Variants in GUCY2F observed in about 807,000 individuals in gnomAD.
The protein encoded by GUCY2F is guanylate cyclase 2F, retinal.
GUCY2F carries 61 observed loss-of-function variants against 73.1 expected under a neutral mutation model. The observed-to-expected ratio is 0.83, with a 90% CI of 0.68 to 1.03. The LOEUF (loss-of-function observed/expected upper bound fraction) is 1.03, where lower values mean the gene tolerates loss of function less well. Among genes scored for constraint, GUCY2F ranks in the 50% least tolerant of loss-of-function variants. The probability of loss-of-function intolerance (pLI) is 0.00; values close to 1 mark genes in which losing one functional copy is unlikely to be tolerated. For missense variants in GUCY2F, 912 were observed against 854.3 expected (o/e 1.07, Z -0.84); for synonymous variants, 331 against 307.8 (o/e 1.08, Z -0.79).
intron 2 of GUCY2F, among the ~76,000 whole-genome samples, chrX:109,467,173 G>C (rs1248689091): frequency 1.8e-5 from 2 of 112,318 alleles, no homozygotes; most frequent in Non-Finnish European, 3.8e-5. Flanking sequence ...GAGTGCCAGA[G>C]ATGTTTGACA....
At chrX:109,379,137 T>C (rs1048314849) in intron 17 of GUCY2F, among the ~76,000 whole-genome samples, 2 of 112,210 alleles carry the variant, frequency 1.8e-5, no homozygotes, top group Non-Finnish European at 1.9e-5. Flanking sequence ...GAAAGGCAAA[T>C]ACTGCATGTT....
At chrX:109,389,796 A>C (rs1265088616) in intron 14 of GUCY2F, among the ~76,000 whole-genome samples, 1 of 111,743 alleles carries the variant, frequency 8.9e-6, no homozygotes, top group Non-Finnish European at 1.9e-5. Flanking sequence ...AAATAGGTAC[A>C]TCTTGAAACC....
intron 7 of GUCY2F, among the ~76,000 whole-genome samples, chrX:109,433,378 A>T (rs1478540615): frequency 1.8e-5 from 2 of 112,325 alleles, no homozygotes; most frequent in African/African-American, 3.2e-5. Flanking sequence ...TAAGAGATTA[A>T]GTGACTGTCC....
At chrX:109,426,859 T>C (rs1339485466) in intron 8 of GUCY2F, among the ~76,000 whole-genome samples, 1 of 112,311 alleles carries the variant, frequency 8.9e-6, no homozygotes, top group Non-Finnish European at 1.9e-5. Context: ...CCAATTGATG[T>C]CACCAGCATA....
intron 7 of GUCY2F, 51 bp downstream of exon 7, chrX:109,441,300 C>T: frequency 4.8e-6 from 4 of 838,299 alleles, no homozygotes; most frequent in Non-Finnish European, 6.5e-6. Flanking sequence ...ATCATTGCCT[C>T]ATTTTGAAAT....
At position 109,402,441 on chromosome X, in the gene GUCY2F, C is replaced by T. The variant is rs1930865946; in HGVS notation, c.2125+1887G>A. Among the ~76,000 whole-genome samples the T allele has an allele frequency of 4.7e-5, 5 of 107,365 alleles. No homozygotes were observed. In the Admixed American group the frequency reaches 4.9e-4, roughly 11 times the overall value. The allele number at this position is 107,365 out of a possible 115,157, so 93.2% of individuals were successfully genotyped here. A position where few individuals can be genotyped will look rare whatever the true frequency, so the allele number is the denominator to read the frequency against. ...AGGCTGGAGTGCAGTGGCGCAGTCT[C>T]GGCTCACTGCAACCTCCGCCTCCCA... is the stretch of plus-strand genomic sequence containing the variant. On this transcript the variant is annotated intron_variant, in intron 10 of 19. Coordinates refer to ENST00000218006, the MANE Select transcript of GUCY2F (RefSeq NM_001522.3).
At chrX:109,432,310 T>C (rs374915221) in intron 7 of GUCY2F, among the ~76,000 whole-genome samples, 16 of 112,172 alleles carry the variant, frequency 1.4e-4, no homozygotes, top group African/African-American at 4.9e-4. Context: ...AAATCTGCTC[T>C]CAGTCAGGGA....
intron 12 of GUCY2F, among the ~76,000 whole-genome samples, chrX:109,394,256 G>A (rs995061680): frequency 2.7e-5 from 3 of 112,060 alleles, no homozygotes; most frequent in Non-Finnish European, 3.8e-5. Flanking sequence ...TGGCTTCTCT[G>A]CTGCCTTCTG....
At chrX:109,467,226 C>T (rs1490349230) in intron 2 of GUCY2F, among the ~76,000 whole-genome samples, 1 of 112,006 alleles carries the variant, frequency 8.9e-6, no homozygotes. Flanking sequence ...AACTGAAGAC[C>T]TCTCACTCTC....
At chrX:109,391,367 T>C (rs1930556415) in intron 14 of GUCY2F, among the ~76,000 whole-genome samples, 1 of 111,302 alleles carries the variant, frequency 9.0e-6, no homozygotes, top group South Asian at 3.8e-4. Context: ...TCGGTTACCC[T>C]GTAGCAATCC....
At chrX:109,426,565 A>G (rs993593956) in intron 8 of GUCY2F, among the ~76,000 whole-genome samples, 4 of 110,936 alleles carry the variant, frequency 3.6e-5, no homozygotes, top group African/African-American at 1.3e-4. Context: ...ATTTTTTTGT[A>G]TTTTTAGTAG....
In GUCY2F at chrX:109,430,073, C is replaced by T. The variant is rs201258797; in HGVS notation, c.1791+234G>A. ...GACTTAGGGAGTTTAGATGACTTGC[C>T]CAAGTTATTACAGCTCTTACATGGT... On this transcript the variant is annotated intron_variant, in intron 8 of 19. Coordinates refer to ENST00000218006, the MANE Select transcript of GUCY2F (RefSeq NM_001522.3). 5.4e-5 allele frequency among the ~76,000 whole-genome samples: 6 copies of T among 111,711 alleles called. No individual in the cohort carries two copies. In the East Asian group the frequency reaches 1.4e-3, roughly 26 times the overall value.
intron 3 of GUCY2F, among the ~76,000 whole-genome samples, chrX:109,461,452 T>C (rs1403314370): frequency 8.9e-6 from 1 of 112,565 alleles, no homozygotes; most frequent in Non-Finnish European, 1.9e-5. Flanking sequence ...TGCAGACCAC[T>C]GCTGTAGGCA....
chrX:109,432,689 A>G (rs965213746), intron 7 of GUCY2F, among the ~76,000 whole-genome samples: 1 of 112,184 alleles, frequency 8.9e-6, no homozygotes, highest in African/African-American at 3.2e-5. Flanking sequence ...TACAAGTACC[A>G]TACTCTCATT....
intron 8 of GUCY2F, among the ~76,000 whole-genome samples, chrX:109,423,131 G>T (rs1260696886): frequency 8.9e-6 from 1 of 112,266 alleles, no homozygotes; most frequent in East Asian, 2.8e-4. Flanking sequence ...GGAGAGAAGG[G>T]AATGTTTTAT....
chrX:109,458,754 A>T (rs1305046443), intron 3 of GUCY2F, among the ~76,000 whole-genome samples: 1 of 111,464 alleles, frequency 9.0e-6, no homozygotes, highest in Non-Finnish European at 1.9e-5. Flanking sequence ...AATAATGGCT[A>T]ACATTAATTG....
At chrX:109,442,388 C>G (rs1431175580) in intron 6 of GUCY2F, among the ~76,000 whole-genome samples, 1 of 111,257 alleles carries the variant, frequency 9.0e-6, no homozygotes, top group Non-Finnish European at 1.9e-5. Flanking sequence ...ACCCTCAACT[C>G]CAACATCCTT....
intron 17 of GUCY2F, 38 bp downstream of exon 17, chrX:109,382,080 C>T (rs1460627166): frequency 1.3e-6 from 1 of 760,261 alleles, no homozygotes; most frequent in South Asian, 2.2e-5. Context: ...GCAGGTGTAT[C>T]CAAGTAGTCT....
rs1450851166 is a variant in GUCY2F at position 109,411,411 on chromosome X, A to G, written c.1792-2243T>C. Among the ~76,000 whole-genome samples, 3 of 111,526 alleles carry G rather than the reference A, an allele frequency of 2.7e-5. No homozygotes were observed. The East Asian group carries it at 8.4e-4, about 31-fold the overall frequency. ...CTAGCCTCAAGGTAAGATTCATGGT[A>G]TAACTTGTGCTCCAGCATTTCCCCA... On this transcript the variant is annotated intron_variant, in intron 8 of 19. Transcript: ENST00000218006.
Sources: allele counts gnomAD v4.1 joint callset (sites outside exome capture counted in the v4.1 genomes callset), GRCh38; gene constraint gnomAD v4.1.1; transcripts MANE v1.5; gene names NCBI Gene and HGNC (gene_info 2026-07-23, HGNC 2026-07-21).